The following IGF1R variants were observed in gnomAD, a reference collection of about 807,000 sequenced individuals.
IGF1R encodes the protein insulin like growth factor 1 receptor.
In IGF1R, 44 loss-of-function variants were observed where a neutral mutation model predicts 144.6. That is an observed-to-expected ratio of 0.30 (90% CI 0.24 to 0.39). The LOEUF is 0.39. IGF1R is among the 10% of genes least tolerant of loss of function. IGF1R has a pLI of 1.00. For synonymous variants in IGF1R, 795 were observed against 722.8 expected (o/e 1.10, Z -1.60); for missense variants, 1,355 against 1,833.7 (o/e 0.74, Z 4.77).
chr15:98,649,510 T>C lies in IGF1R; in HGVS notation c.-72T>C. On this transcript the variant is annotated 5_prime_UTR_variant, in exon 1 of 21. Transcript: ENST00000650285. ...GAGACTTGTTTCCTTTCATTTCCTT[T>C]TTTTCTTTTCTTTTCTTTTTTTTTT... 3.8e-6 allele frequency: 4 copies of C among 1,042,752 alleles called. No homozygotes were observed. The highest frequency in any genetic ancestry group is 2.2e-4 in the Middle Eastern group (1 of 4,530). 64.6% of individuals were successfully genotyped at this position (1,042,752 alleles called of 1,614,324 possible). A position where few individuals can be genotyped will look rare whatever the true frequency, so the allele number is the denominator to read the frequency against.
intron 1 of IGF1R, among the ~76,000 whole-genome samples, chr15:98,659,955 A>G (rs2052565082): frequency 6.6e-6 from 1 of 152,176 alleles, no homozygotes; most frequent in Non-Finnish European, 1.5e-5. Context: ...GTTAGGTCCC[A>G]CACCGTCTAT....
chr15:98,786,071 A>G lies in IGF1R; in HGVS notation c.640+77964A>G, dbSNP rs577715480. 2.6e-5 allele frequency among the ~76,000 whole-genome samples: 4 copies of G among 152,324 alleles called. No individual in the cohort carries two copies. In the South Asian group the frequency reaches 8.3e-4, roughly 32 times the overall value. The stretch of plus-strand genomic sequence containing the variant: ...TTAGGGCTTGGTCTGTGGCTACCCC[A>G]GAAATCACGTGCACTCCTAGGCTTC... On this transcript the variant is annotated intron_variant, in intron 2 of 20. Transcript: ENST00000650285.
At chr15:98,681,405 G>A (rs756291232) in intron 1 of IGF1R, among the ~76,000 whole-genome samples, 1 of 152,144 alleles carries the variant, frequency 6.6e-6, no homozygotes. Flanking sequence ...TTGCAGTCTC[G>A]TGCAATGGGT....
At chr15:98,684,930 C>CTTTTTTTTTTT (rs5814891) in intron 1 of IGF1R, among the ~76,000 whole-genome samples, 1 of 113,440 alleles carries the variant, frequency 8.8e-6, no homozygotes, top group African/African-American at 3.1e-5. Flanking sequence ...CTTCCTTTTC[C>CTTTTTTTTTTT]TTTTTTTTTT....
intron 2 of IGF1R, among the ~76,000 whole-genome samples, chr15:98,835,104 CA>C (rs2057072835): frequency 1.1e-4 from 16 of 150,344 alleles, no homozygotes; most frequent in Admixed American, 4.6e-4. Context: ...CACACACACA[CA>C]CACACCCCTA....
chr15:98,929,420 T>C lies in IGF1R; in HGVS notation c.2783-138T>C, dbSNP rs2015853213. 3.1e-5 allele frequency: 23 copies of C among 732,368 alleles called. No homozygotes were observed. In the East Asian group the frequency reaches 5.8e-4, roughly 19 times the overall value. 45.4% of individuals were successfully genotyped at this position (732,368 alleles called of 1,614,324 possible). A position where few individuals can be genotyped will look rare whatever the true frequency, so the allele number is the denominator to read the frequency against. ...TGTTCTATTTCTGACACCATTTACC[T>C]TCAGGAATTCTTACTGTATGATGGG... On this transcript the variant is annotated intron_variant, in intron 13 of 20. Transcript: ENST00000650285.
intron 2 of IGF1R, among the ~76,000 whole-genome samples, chr15:98,833,794 CT>C (rs1237662523): frequency 6.6e-6 from 1 of 152,074 alleles, no homozygotes; most frequent in Non-Finnish European, 1.5e-5. Context: ...TTATTGTTTG[CT>C]TTTTTTATTA....
chr15:98,795,444 TCA>T (rs1307903110), intron 2 of IGF1R, among the ~76,000 whole-genome samples: 6 of 151,500 alleles, frequency 4.0e-5, no homozygotes, highest in African/African-American at 9.8e-5. Flanking sequence ...AGATGGAGTC[TCA>T]CTCTGTTGCC....
chr15:98,809,888 C>G (rs918067627), intron 2 of IGF1R, among the ~76,000 whole-genome samples: 2 of 152,128 alleles, frequency 1.3e-5, no homozygotes, highest in African/African-American at 4.8e-5. Flanking sequence ...AAGCCCACTC[C>G]CCGCACCCTG....
At chr15:98,879,518 G>A (rs1164281563) in intron 2 of IGF1R, among the ~76,000 whole-genome samples, 1 of 152,116 alleles carries the variant, frequency 6.6e-6, no homozygotes, top group African/African-American at 2.4e-5. Context: ...GAGGCACACG[G>A]GGGTGAACAT....
chr15:98,847,166 A>G (rs2011361109), intron 2 of IGF1R, among the ~76,000 whole-genome samples: 1 of 152,120 alleles, frequency 6.6e-6, no homozygotes, highest in African/African-American at 2.4e-5. Context: ...TAGTAAAGAC[A>G]GGGTTTTACC....
At chr15:98,651,876 T>A (rs1205320696) in intron 1 of IGF1R, among the ~76,000 whole-genome samples, 1 of 150,950 alleles carries the variant, frequency 6.6e-6, no homozygotes, top group African/African-American at 2.5e-5. Context: ...CCTCCCTCCA[T>A]CTCTGAAATG....
intron 2 of IGF1R, among the ~76,000 whole-genome samples, chr15:98,800,750 A>C (rs941391780): frequency 1.3e-5 from 2 of 152,026 alleles, no homozygotes; most frequent in Non-Finnish European, 2.9e-5. Context: ...GTCTTGGAAA[A>C]CACCGGCACA....
At chr15:98,769,542 T>G (rs1406300295) in intron 2 of IGF1R, among the ~76,000 whole-genome samples, 1 of 152,218 alleles carries the variant, frequency 6.6e-6, no homozygotes, top group South Asian at 2.1e-4. Context: ...TCTTTTAGAC[T>G]TGGTAAGAAG....
At chr15:98,831,718 G>A (rs911720524) in intron 2 of IGF1R, among the ~76,000 whole-genome samples, 7 of 152,210 alleles carry the variant, frequency 4.6e-5, no homozygotes, top group Admixed American at 4.6e-4. Context: ...GGGTGTAGGA[G>A]TAAATGATTT....
At chr15:98,693,233 A>T (rs1307490247) in intron 1 of IGF1R, among the ~76,000 whole-genome samples, 1 of 152,208 alleles carries the variant, frequency 6.6e-6, no homozygotes, top group Non-Finnish European at 1.5e-5. Flanking sequence ...GAGCAGAATG[A>T]GGCAGGCATA....
At chr15:98,778,323 T>C (rs1388237233) in intron 2 of IGF1R, among the ~76,000 whole-genome samples, 1 of 152,194 alleles carries the variant, frequency 6.6e-6, no homozygotes, top group Non-Finnish European at 1.5e-5. Flanking sequence ...ATTTGAACAA[T>C]TCAGAGTGCT....
intron 2 of IGF1R, among the ~76,000 whole-genome samples, chr15:98,728,007 GTTTTTTTTTTTTT>G (rs10680958): frequency 9.2e-6 from 1 of 108,750 alleles, no homozygotes; most frequent in South Asian, 3.2e-4. Flanking sequence ...AAGATGCATT[GTTTTTTTTTTTTT>G]TTTTTTTTTA....
At chr15:98,695,854 T>G (rs941768337) in intron 1 of IGF1R, among the ~76,000 whole-genome samples, 1 of 152,134 alleles carries the variant, frequency 6.6e-6, no homozygotes, top group South Asian at 2.1e-4. Context: ...GCTGGGTTTC[T>G]GCAGCCGTTC....
Sources: gnomAD v4.1 joint callset for allele counts (sites outside exome capture counted in the v4.1 genomes callset) on GRCh38, gnomAD v4.1.1 for gene constraint, MANE v1.5 for transcripts, NCBI Gene and HGNC (gene_info 2026-07-23, HGNC 2026-07-21) for gene names.